Variants in NCR1 observed in about 807,000 individuals in gnomAD.
NCR1 encodes natural cytotoxicity triggering receptor 1, also known as NK cell-activating receptor.
NCR1 carries 30 observed loss-of-function variants against 32.5 expected under a neutral mutation model. The ratio of observed to expected loss-of-function variants is 0.92; its 90% CI spans 0.69 to 1.25. The LOEUF is 1.25. NCR1 is among the 50% of genes most tolerant of loss of function. NCR1 has a pLI of 0.00. For synonymous variants in NCR1, 169 were observed against 143.4 expected (o/e 1.18, Z -1.28); for missense variants, 369 against 380.7 (o/e 0.97, Z 0.26).
In NCR1 at chr19:54,912,235, G is replaced by A. The variant is rs543563725; in HGVS notation, c.733+17G>A. On this transcript the variant is annotated intron_variant, in intron 6 of 6. Coordinates refer to ENST00000291890, the MANE Select transcript of NCR1 (RefSeq NM_004829.7). ...TCCAGAAAGGTAAGTAGACAGCTGG[G>A]GCCATAGGCTCTGAAGGAAGGGGCT... 1.1e-5 allele frequency: 18 copies of A among 1,612,630 alleles called. No individual in the cohort carries two copies. In the Admixed American group the frequency reaches 2.0e-4, roughly 18 times the overall value.
chr19:54,902,477 T>C (rs773009482), upstream of NCR1, among the ~76,000 whole-genome samples: 5 of 151,316 alleles, frequency 3.3e-5, no homozygotes, highest in South Asian at 2.1e-4. Context: ...ATTTTTGCAT[T>C]TTTTTTTCCC....
chr19:54,925,097 T>C, the NCR1 span, among the ~76,000 whole-genome samples: 1 of 152,064 alleles, frequency 6.6e-6, no homozygotes, highest in Admixed American at 6.6e-5. Context: ...GTGGAGACAC[T>C]GGCTTGCTAT....
At chr19:54,916,645 C>A (rs2068140322), downstream of NCR1, among the ~76,000 whole-genome samples, 1 of 151,304 alleles carries the variant, frequency 6.6e-6, no homozygotes, top group East Asian at 1.9e-4. Flanking sequence ...CCTCTCCTAC[C>A]ACCCCCAGCC....
chr19:54,927,437 G>C, the NCR1 span, among the ~76,000 whole-genome samples: 2 of 151,142 alleles, frequency 1.3e-5, no homozygotes, highest in African/African-American at 4.9e-5. Context: ...ATGCCTCTAG[G>C]CCCAGCTACT....
At chr19:54,937,201 T>G in the NCR1 span, among the ~76,000 whole-genome samples, 39 of 138,752 alleles carry the variant, frequency 2.8e-4, no homozygotes, top group South Asian at 8.5e-3. Context: ...CTGGGGAACA[T>G]AGCGAGACTG....
At chr19:54,916,338 T>TTTTTTTG (rs1556721210), downstream of NCR1, among the ~76,000 whole-genome samples, 33 of 132,018 alleles carry the variant, frequency 2.5e-4, 1 homozygote, top group African/African-American at 7.1e-4. Flanking sequence ...TTTTTTTTTT[T>TTTTTTTG]GAGACGAAGT....
upstream of NCR1, among the ~76,000 whole-genome samples, chr19:54,903,412 A>G (rs587634221): frequency 2.9e-5 from 4 of 136,350 alleles, no homozygotes; most frequent in African/African-American, 5.5e-5. Context: ...GTATGTATAC[A>G]CGCATACATG....
At chr19:54,932,523 A>G in the NCR1 span, among the ~76,000 whole-genome samples, 2 of 152,112 alleles carry the variant, frequency 1.3e-5, no homozygotes, top group South Asian at 2.1e-4. Flanking sequence ...TATTTTTCTA[A>G]CCATAATTTT....
At chr19:54,928,917 C>T in the NCR1 span, among the ~76,000 whole-genome samples, 2 of 151,906 alleles carry the variant, frequency 1.3e-5, no homozygotes, top group Non-Finnish European at 2.9e-5. Context: ...ATTCTCCTGC[C>T]CCAGCCTCCC....
chr19:54,930,527 T>C, the NCR1 span: 2 of 1,611,902 alleles, frequency 1.2e-6, no homozygotes, highest in Admixed American at 3.3e-5. Context: ...CAGTTTGGAT[T>C]CTCTAATGCC....
downstream of NCR1, among the ~76,000 whole-genome samples, chr19:54,913,764 T>C (rs972286064): frequency 1.3e-5 from 2 of 150,350 alleles, no homozygotes; most frequent in African/African-American, 4.9e-5. Flanking sequence ...AAACCCCATC[T>C]CTACTAAAAA....
the NCR1 span, chr19:54,927,571 A>T: frequency 1.3e-6 from 2 of 1,559,700 alleles, no homozygotes; most frequent in African/African-American, 3.2e-5. Flanking sequence ...AACAAAAACA[A>T]AAAACAAAAC....
chr19:54,933,172 G>A, the NCR1 span, among the ~76,000 whole-genome samples: 1 of 152,012 alleles, frequency 6.6e-6, no homozygotes. Context: ...TTGAGAAGGA[G>A]TCTTGTTCTG....
At chr19:54,908,732 C>T (rs1443369556) in intron 3 of NCR1, among the ~76,000 whole-genome samples, 2 of 150,244 alleles carry the variant, frequency 1.3e-5, no homozygotes, top group Non-Finnish European at 1.5e-5. Context: ...GCCTCAGCCT[C>T]AATTCTCCTG....
chr19:54,933,209 G>A, the NCR1 span, among the ~76,000 whole-genome samples: 24 of 152,064 alleles, frequency 1.6e-4, no homozygotes, highest in African/African-American at 2.2e-4. Context: ...GCAGTGGTGC[G>A]ATCTCGGCTC....
At chr19:54,926,915 TTA>T in the NCR1 span, among the ~76,000 whole-genome samples, 28 of 130,884 alleles carry the variant, frequency 2.1e-4, no homozygotes, top group Admixed American at 8.7e-4. Context: ...GACTCTGTCT[TTA>T]AAAAAAAAAA....
chr19:54,937,805 G>C, the NCR1 span, among the ~76,000 whole-genome samples: 1 of 147,542 alleles, frequency 6.8e-6, no homozygotes, highest in African/African-American at 2.5e-5. Context: ...GCTGAGGCAG[G>C]AGAATTGCTT....
the NCR1 span, among the ~76,000 whole-genome samples, chr19:54,898,644 G>A: frequency 8.5e-5 from 13 of 152,148 alleles, no homozygotes; most frequent in East Asian, 3.9e-4. Flanking sequence ...AGAATAAGAC[G>A]GCCTTTTGAC....
At chr19:54,905,925 T>A (rs1453240107), upstream of NCR1, among the ~76,000 whole-genome samples, 2 of 152,180 alleles carry the variant, frequency 1.3e-5, no homozygotes, top group African/African-American at 2.4e-5. Flanking sequence ...ATTGAGAAGT[T>A]GACCCAGAAA....
Sources: gnomAD v4.1 joint callset for allele counts (sites outside exome capture counted in the v4.1 genomes callset) on GRCh38, gnomAD v4.1.1 for gene constraint, MANE v1.5 for transcripts, NCBI Gene and HGNC (gene_info 2026-07-23, HGNC 2026-07-21) for gene names.